CTDP1: variants seen among roughly 807,000 people sequenced by gnomAD.
The protein encoded by CTDP1 is RNA polymerase II subunit A C-terminal domain phosphatase.
A neutral mutation model predicts 91.8 loss-of-function variants in CTDP1; 47 were observed. The observed-to-expected ratio is 0.51, with a 90% confidence interval of 0.41 to 0.65. The LOEUF is 0.65. CTDP1 is among the 30% of genes least tolerant of loss of function. CTDP1 has a pLI of 0.00. For missense variants in CTDP1, 1,272 were observed against 1,373.7 expected (o/e 0.93, Z 1.17); for synonymous variants, 656 against 598.5 (o/e 1.10, Z -1.40).
chr18:79,693,058 C>G (rs1359358779), intron 1 of CTDP1, among the ~76,000 whole-genome samples: 1 of 152,094 alleles, frequency 6.6e-6, no homozygotes, highest in African/African-American at 2.4e-5. Context: ...TGCCAGGCAT[C>G]GGAGAGGAGC....
At chr18:79,719,372 C>A (rs1460133217) in intron 10 of CTDP1, among the ~76,000 whole-genome samples, 7 of 151,208 alleles carry the variant, frequency 4.6e-5, no homozygotes. Flanking sequence ...GCTTCCCGTG[C>A]GGCAGCCTGG....
intron 12 of CTDP1, among the ~76,000 whole-genome samples, chr18:79,749,528 G>A (rs985767468): frequency 3.3e-5 from 3 of 91,112 alleles, no homozygotes; most frequent in Non-Finnish European, 7.5e-5. Flanking sequence ...ATCCAGGCCC[G>A]CCCCCTCCTG....
intron 12 of CTDP1, among the ~76,000 whole-genome samples, chr18:79,748,787 G>A (rs1026596604): frequency 3.3e-5 from 5 of 152,180 alleles, no homozygotes; most frequent in African/African-American, 9.6e-5. Context: ...TATCATGTCT[G>A]TGTGTGAGCC....
chr18:79,742,181 TGAGAGAGAGAGAGA>T (rs35935192), intron 12 of CTDP1, among the ~76,000 whole-genome samples: 1,136 of 99,956 alleles, frequency 0.011, 31 homozygotes, highest in African/African-American at 0.035. Flanking sequence ...GCATGAAGCA[TGAGAGAGAGAGAGA>T]GAGAGAGAGA....
intron 12 of CTDP1, among the ~76,000 whole-genome samples, chr18:79,752,051 G>A (rs1008480183): frequency 6.6e-6 from 1 of 152,186 alleles, no homozygotes; most frequent in African/African-American, 2.4e-5. Flanking sequence ...GTCCCAGCAC[G>A]GCACCAGGAG....
chr18:79,732,851 C>T (rs531110564), intron 11 of CTDP1, among the ~76,000 whole-genome samples: 4 of 148,322 alleles, frequency 2.7e-5, no homozygotes, highest in South Asian at 2.2e-4. Context: ...TCACCAGGAG[C>T]GCTCCCAAAA....
chr18:79,742,675 C>T (rs2086803740), intron 12 of CTDP1, among the ~76,000 whole-genome samples: 1 of 152,220 alleles, frequency 6.6e-6, no homozygotes, highest in Admixed American at 6.5e-5. Flanking sequence ...TATGCCTGGA[C>T]ATGTGGTGGC....
chr18:79,693,373 C>G (rs866058025), intron 1 of CTDP1, among the ~76,000 whole-genome samples: 2 of 152,052 alleles, frequency 1.3e-5, no homozygotes, highest in African/African-American at 4.8e-5. Context: ...TTAAGGAAAT[C>G]ATACTTGTCA....
chr18:79,740,656 C>T (rs922629843), intron 12 of CTDP1, among the ~76,000 whole-genome samples: 7 of 152,178 alleles, frequency 4.6e-5, no homozygotes, highest in East Asian at 1.9e-4. Flanking sequence ...TTGCTAATTT[C>T]GCATGGCCAA....
chr18:79,680,344 G>A, intron 1 of CTDP1, 83 bp downstream of exon 1: 2 of 1,116,908 alleles, frequency 1.8e-6, no homozygotes, highest in African/African-American at 1.6e-5. Context: ...CTGCGTCCGC[G>A]GTGGGCAGGG....
chr18:79,750,586 C>T (rs1159068490), intron 12 of CTDP1, among the ~76,000 whole-genome samples: 5 of 151,484 alleles, frequency 3.3e-5, no homozygotes, highest in African/African-American at 4.9e-5. Context: ...TTCCGCCTCC[C>T]GGGTTCAAAC....
chr18:79,733,603 G>A (rs879783552), intron 11 of CTDP1, among the ~76,000 whole-genome samples: 1 of 149,534 alleles, frequency 6.7e-6, no homozygotes, highest in African/African-American at 2.5e-5. Flanking sequence ...TCGTTTCTGC[G>A]TGTTCTGCTG....
intron 12 of CTDP1, among the ~76,000 whole-genome samples, chr18:79,746,456 T>C (rs1599320503): frequency 6.6e-6 from 1 of 152,130 alleles, no homozygotes; most frequent in South Asian, 2.1e-4. Context: ...GAGGTGGAGG[T>C]TGTGTTCGTT....
intron 12 of CTDP1, among the ~76,000 whole-genome samples, chr18:79,738,894 C>T (rs1374328798): frequency 2.6e-5 from 4 of 152,216 alleles, no homozygotes; most frequent in Non-Finnish European, 5.9e-5. Flanking sequence ...TTTGAAATTC[C>T]GTATTGGGTG....
At chr18:79,741,942 A>G (rs2086786205) in intron 12 of CTDP1, among the ~76,000 whole-genome samples, 1 of 152,250 alleles carries the variant, frequency 6.6e-6, no homozygotes, top group Non-Finnish European at 1.5e-5. Context: ...AATGGAAAAC[A>G]TTAATTTATA....
chr18:79,698,727 G>C (rs1184695398), intron 4 of CTDP1, among the ~76,000 whole-genome samples: 1 of 152,098 alleles, frequency 6.6e-6, no homozygotes, highest in South Asian at 2.1e-4. Context: ...TCTGGCGTTA[G>C]ATTTGGGATT....
intron 11 of CTDP1, among the ~76,000 whole-genome samples, chr18:79,732,054 G>C (rs973249437): frequency 6.7e-6 from 1 of 148,352 alleles, no homozygotes; most frequent in African/African-American, 2.6e-5. Context: ...ACATAGACAT[G>C]AGAACTCGCT....
intron 1 of CTDP1, among the ~76,000 whole-genome samples, chr18:79,687,530 T>G: frequency 6.8e-6 from 1 of 146,354 alleles, no homozygotes; most frequent in South Asian, 2.2e-4. Context: ...GCAGTTGGCT[T>G]CTCCAGTTCA....
At chr18:79,679,752 G>T (rs1457193504), upstream of CTDP1, 2 of 532,792 alleles carry the variant, frequency 3.8e-6, no homozygotes, top group South Asian at 4.0e-5. Flanking sequence ...ATTTACACGC[G>T]CACGTACGCA....
Sources: gnomAD v4.1 joint callset for allele counts (sites outside exome capture counted in the v4.1 genomes callset) on GRCh38, gnomAD v4.1.1 for gene constraint, MANE v1.5 for transcripts, NCBI Gene and HGNC (gene_info 2026-07-23, HGNC 2026-07-21) for gene names.